The following MVB12B variants were observed in gnomAD, a reference collection of about 807,000 sequenced individuals.
MVB12B encodes multivesicular body subunit 12B, also known as ESCRT-I complex subunit MVB12B.
Under a neutral mutation model 41.6 loss-of-function variants are expected in MVB12B, and 16 were observed. That is an observed-to-expected ratio of 0.38 (90% CI 0.26 to 0.58). The LOEUF (loss-of-function observed/expected upper bound fraction) is 0.58, where lower values mean the gene tolerates loss of function less well. Ranked by LOEUF, MVB12B falls within the 20% of genes least tolerant of loss-of-function variation. The pLI is 0.62. For missense variants in MVB12B, 274 were observed against 380.2 expected (o/e 0.72, Z 2.32); for synonymous variants, 133 against 139.7 (o/e 0.95, Z 0.34).
intron 6 of MVB12B, among the ~76,000 whole-genome samples, chr9:126,419,567 C>T (rs1831937784): frequency 6.6e-6 from 1 of 152,352 alleles, no homozygotes; most frequent in Non-Finnish European, 1.5e-5. Flanking sequence ...ACACTCTCAG[C>T]AGGGTCACCT....
At chr9:126,360,630 C>G (rs1345123850) in intron 2 of MVB12B, among the ~76,000 whole-genome samples, 2 of 152,124 alleles carry the variant, frequency 1.3e-5, no homozygotes, top group African/African-American at 4.8e-5. Context: ...CTATATTATT[C>G]CTGATTTTCT....
intron 2 of MVB12B, among the ~76,000 whole-genome samples, chr9:126,377,423 C>T (rs557811559): frequency 5.9e-5 from 9 of 152,228 alleles, no homozygotes; most frequent in African/African-American, 2.2e-4. Context: ...TAGGTGGCCT[C>T]AGTGCTGAAA....
At chr9:126,444,290 C>T (rs1014848082) in intron 7 of MVB12B, among the ~76,000 whole-genome samples, 3 of 152,054 alleles carry the variant, frequency 2.0e-5, no homozygotes, top group Admixed American at 6.5e-5. Context: ...AATTGTCCCC[C>T]GTAATGGTTG....
At position 126,395,915 on chromosome 9, in the gene MVB12B, C is replaced by T; in HGVS notation, c.662+218C>T. 7.4e-7 allele frequency: 1 copy of T among 1,357,096 alleles called. No homozygotes were observed. Among genetic ancestry groups the T allele is most frequent in the Non-Finnish European group, 9.5e-7 (1 of 1,057,942 alleles). The allele number at this position is 1,357,096 out of a possible 1,614,324, so 84.1% of individuals were successfully genotyped here. A position where few individuals can be genotyped will look rare whatever the true frequency, so the allele number is the denominator to read the frequency against. On this transcript the variant is annotated intron_variant, in intron 6 of 9. Transcript: ENST00000361171. This position sits in a 1 kb window ranked among gnomAD's most constrained non-coding sequence, Gnocchi z 4.9. ...TTCTATAGTCTATTTTGTGCGTGTTCTGCAGGCTTCTAAAATTGCAGATTA... is the reference window on the plus strand; with the variant it reads ...TTCTATAGTCTATTTTGTGCGTGTTTTGCAGGCTTCTAAAATTGCAGATTA...
chr9:126,369,967 T>C (rs945947879), intron 2 of MVB12B, among the ~76,000 whole-genome samples: 8 of 152,166 alleles, frequency 5.3e-5, no homozygotes, highest in Non-Finnish European at 4.4e-5. Flanking sequence ...TGTTTTTTTT[T>C]CTTAGCATTG....
At chr9:126,501,069 C>T (rs1438551910) in intron 9 of MVB12B, among the ~76,000 whole-genome samples, 1 of 152,222 alleles carries the variant, frequency 6.6e-6, no homozygotes, top group Non-Finnish European at 1.5e-5. Context: ...CACCAGGTGG[C>T]AGTGTCCTCC....
intron 5 of MVB12B, among the ~76,000 whole-genome samples, chr9:126,393,798 A>AT: frequency 6.6e-6 from 1 of 152,334 alleles, no homozygotes; most frequent in East Asian, 1.9e-4. Context: ...GGCAGGGGCC[A>AT]TGTGTTTCCC....
At chr9:126,357,712 G>T (rs1476256112) in intron 2 of MVB12B, among the ~76,000 whole-genome samples, 1 of 151,448 alleles carries the variant, frequency 6.6e-6, no homozygotes, top group Non-Finnish European at 1.5e-5. Flanking sequence ...AGGGTTCTTT[G>T]TATATTTTAA....
chr9:126,503,422 T>C lies in MVB12B; in HGVS notation c.*159T>C. The stretch of plus-strand genomic sequence containing the variant: ...TGGGCAGCTAAGTGGGCGCATCCTG[T>C]CTTCAGCTGGCCTCACTGACACCCC... On this transcript the variant is annotated 3_prime_UTR_variant, in exon 10 of 10. Coordinates refer to ENST00000361171, the MANE Select transcript of MVB12B (RefSeq NM_033446.3). The C allele has an allele frequency of 4.8e-6, 3 of 626,802 alleles. No individual in the cohort carries two copies. The South Asian group carries it at 5.9e-5, about 12-fold the overall frequency. The allele number at this position is 626,802 out of a possible 1,614,324, so 38.8% of individuals were successfully genotyped here. A position where few individuals can be genotyped will look rare whatever the true frequency, so the allele number is the denominator to read the frequency against.
At chr9:126,329,642 G>T (rs562737165) in intron 1 of MVB12B, among the ~76,000 whole-genome samples, 2 of 152,310 alleles carry the variant, frequency 1.3e-5, no homozygotes, top group East Asian at 3.9e-4. Flanking sequence ...GAGTTTGCTG[G>T]AAGTGCTCCA....
At chr9:126,457,236 C>T (rs999357512) in intron 7 of MVB12B, among the ~76,000 whole-genome samples, 2 of 152,174 alleles carry the variant, frequency 1.3e-5, no homozygotes, top group Non-Finnish European at 2.9e-5. Flanking sequence ...TTCTTCCCTC[C>T]ATCACCAACA....
At chr9:126,501,523 C>T (rs1422958298) in intron 9 of MVB12B, among the ~76,000 whole-genome samples, 2 of 152,218 alleles carry the variant, frequency 1.3e-5, no homozygotes, top group African/African-American at 2.4e-5. Flanking sequence ...AGCTGAGACT[C>T]GGGTCTGTCC....
At chr9:126,337,044 C>T (rs978782262) in intron 1 of MVB12B, among the ~76,000 whole-genome samples, 4 of 152,206 alleles carry the variant, frequency 2.6e-5, no homozygotes, top group African/African-American at 9.7e-5. Context: ...TGGCCCAATC[C>T]TATAGTTCTG....
chr9:126,414,291 A>G (rs1831742240), intron 6 of MVB12B, among the ~76,000 whole-genome samples: 1 of 152,188 alleles, frequency 6.6e-6, no homozygotes, highest in Non-Finnish European at 1.5e-5. Context: ...TGGAGCCGTC[A>G]TCGCTGGCAG....
At chr9:126,437,154 G>A (rs1460370394) in intron 7 of MVB12B, among the ~76,000 whole-genome samples, 1 of 152,176 alleles carries the variant, frequency 6.6e-6, no homozygotes, top group Non-Finnish European at 1.5e-5. Flanking sequence ...AGTCTGAAAA[G>A]TCCAGCCCAG....
intron 7 of MVB12B, among the ~76,000 whole-genome samples, chr9:126,424,636 C>T (rs1832119580): frequency 6.6e-6 from 1 of 152,242 alleles, no homozygotes; most frequent in Non-Finnish European, 1.5e-5. Context: ...ATTTGAGACA[C>T]TGTGCATTCT....
At chr9:126,355,945 C>A (rs1203551466) in intron 2 of MVB12B, among the ~76,000 whole-genome samples, 1 of 152,156 alleles carries the variant, frequency 6.6e-6, no homozygotes, top group South Asian at 2.1e-4. Flanking sequence ...GCTCCTCATT[C>A]TCCCTTCGCT....
chr9:126,370,092 G>A (rs1830293135), intron 2 of MVB12B, among the ~76,000 whole-genome samples: 1 of 152,142 alleles, frequency 6.6e-6, no homozygotes, highest in South Asian at 2.1e-4. Flanking sequence ...TGTTGGTGAG[G>A]ATTTGGGTCA....
At chr9:126,343,767 A>G (rs1451192396) in intron 2 of MVB12B, among the ~76,000 whole-genome samples, 1 of 152,072 alleles carries the variant, frequency 6.6e-6, no homozygotes, top group East Asian at 1.9e-4. Flanking sequence ...AATACAAAAC[A>G]TTAGCTGGGC....
Sources: allele counts gnomAD v4.1 joint callset (sites outside exome capture counted in the v4.1 genomes callset), GRCh38; gene constraint gnomAD v4.1.1; non-coding constraint Gnocchi (gnomAD v3.1); transcripts MANE v1.5; gene names NCBI Gene and HGNC (gene_info 2026-07-23, HGNC 2026-07-21).